SLC29A4: variants seen among roughly 807,000 people sequenced by gnomAD.
SLC29A4 encodes the protein equilibrative nucleoside transporter 4.
Under a neutral mutation model 43.9 loss-of-function variants are expected in SLC29A4, and 36 were observed. That is an observed-to-expected ratio of 0.82 (90% CI 0.63 to 1.08). The LOEUF (loss-of-function observed/expected upper bound fraction) is 1.08, where lower values mean the gene tolerates loss of function less well. SLC29A4 is among the 50% of genes least tolerant of loss of function. The probability of loss-of-function intolerance (pLI) is 0.00; values close to 1 mark genes in which losing one functional copy is unlikely to be tolerated. For synonymous variants in SLC29A4, 491 were observed against 338.0 expected (o/e 1.45, Z -4.97); for missense variants, 869 against 755.3 (o/e 1.15, Z -1.77).
chr7:5,301,321 G>T (rs977994074), intron 10 of SLC29A4, among the ~76,000 whole-genome samples: 3 of 152,026 alleles, frequency 2.0e-5, no homozygotes, highest in African/African-American at 7.2e-5. Flanking sequence ...AAGTCCTATG[G>T]GGAAAAATAA....
intron 5 of SLC29A4, 103 bp from the exon 6 acceptor site, chr7:5,294,757 T>C: frequency 8.6e-7 from 1 of 1,168,148 alleles, no homozygotes; most frequent in Non-Finnish European, 1.3e-6. Flanking sequence ...TGTTAACGGC[T>C]GTTTACGCAC....
intron 1 of SLC29A4, among the ~76,000 whole-genome samples, chr7:5,286,544 A>AAAAG (rs201953884): frequency 0.17 from 24,549 of 146,684 alleles, 3,262 homozygotes; most frequent in African/African-American, 0.38. Context: ...AGAAAAAAGA[A>AAAAG]AAAAATCATT....
At chr7:5,292,674 C>G (rs1785379535) in intron 5 of SLC29A4, among the ~76,000 whole-genome samples, 1 of 127,832 alleles carries the variant, frequency 7.8e-6, no homozygotes, top group African/African-American at 2.8e-5. Flanking sequence ...TTTCTACCAG[C>G]CAAGACATTT....
intron 1 of SLC29A4, among the ~76,000 whole-genome samples, chr7:5,285,764 C>T (rs1439016267): frequency 1.3e-5 from 2 of 152,190 alleles, no homozygotes; most frequent in African/African-American, 4.8e-5. Context: ...ATAATCCCAG[C>T]ACTTTGGGAG....
chr7:5,291,440 C>T (rs1048084079), intron 4 of SLC29A4, among the ~76,000 whole-genome samples: 2 of 152,250 alleles, frequency 1.3e-5, no homozygotes, highest in African/African-American at 4.8e-5. Context: ...TGCCCAAGCT[C>T]TTCCCCACGT....
Position 5,291,449 on chromosome 7 carries a change from G to A in SLC29A4, c.415+212G>A, listed in dbSNP as rs142467254. On this transcript the variant is annotated intron_variant, in intron 4 of 10. Coordinates refer to ENST00000396872, the MANE Select transcript of SLC29A4 (RefSeq NM_153247.4). ...GGGCCTTGCCCAAGCTCTTCCCCACGTCCAGTGTGTTCTTCCTTTCCCATT... is the reference window on the plus strand; with the variant it reads ...GGGCCTTGCCCAAGCTCTTCCCCACATCCAGTGTGTTCTTCCTTTCCCATT... Among the ~76,000 whole-genome samples, 1,036 of 152,326 alleles carry A rather than the reference G, an allele frequency of 6.8e-3. 11 individuals carry two copies. Among genetic ancestry groups the A allele is most frequent in the African/African-American group, 0.024 (994 of 41,576 alleles).
chr7:5,286,471 C>T (rs1784955137), intron 1 of SLC29A4, among the ~76,000 whole-genome samples: 1 of 148,046 alleles, frequency 6.8e-6, no homozygotes, highest in Non-Finnish European at 1.5e-5. Context: ...TGCAGCGAGC[C>T]AAGATTGCTC....
At chr7:5,302,672 T>G in intron 10 of SLC29A4, 125 bp from the exon 11 acceptor site, 2 of 922,724 alleles carry the variant, frequency 2.2e-6, no homozygotes, top group Non-Finnish European at 3.2e-6. Flanking sequence ...GGAGGAGCGA[T>G]GGGGCAGCGG....
At chr7:5,294,538 C>T (rs1785519387) in intron 5 of SLC29A4, among the ~76,000 whole-genome samples, 1 of 152,122 alleles carries the variant, frequency 6.6e-6, no homozygotes, top group Non-Finnish European at 1.5e-5. Context: ...CCTCTCCCCA[C>T]CCCGTAACAC....
At chr7:5,298,182 A>G (rs1785849414) in intron 7 of SLC29A4, among the ~76,000 whole-genome samples, 1 of 152,170 alleles carries the variant, frequency 6.6e-6, no homozygotes, top group Non-Finnish European at 1.5e-5. Flanking sequence ...GAAGTGAGCC[A>G]GAAACACCAT....
rs746826542 is a variant in SLC29A4, at chr7:5,300,668, G to T, written c.1450+6G>T. 8.7e-6 allele frequency: 14 copies of T among 1,605,720 alleles called. No homozygotes were observed. Among genetic ancestry groups the T allele is most frequent in the Non-Finnish European group, 1.1e-5 (13 of 1,178,490 alleles). On this transcript the variant is annotated splice_donor_region_variant and intron_variant, in intron 10 of 10. Coordinates refer to ENST00000396872, the MANE Select transcript of SLC29A4 (RefSeq NM_153247.4). ...CAAGCAGCGGGAGCTGGCAGGTGAG[G>T]CCCGCGGGACGTGGGGGTGGGGGCG...
chr7:5,286,642 C>T (rs978892299), intron 1 of SLC29A4, among the ~76,000 whole-genome samples: 1 of 152,176 alleles, frequency 6.6e-6, no homozygotes, highest in Non-Finnish European at 1.5e-5. Context: ...TAGCTCCTTC[C>T]TTTCCTCCCG....
intron 2 of SLC29A4, among the ~76,000 whole-genome samples, chr7:5,289,786 C>T (rs1051589200): frequency 4.6e-5 from 7 of 152,106 alleles, no homozygotes; most frequent in South Asian, 2.1e-4. Context: ...ATACCGCCAC[C>T]GAGCATGATA....
Position 5,305,204 on chromosome 7 carries a change from C to T in SLC29A4, c.*2265C>T, listed in dbSNP as rs936788986. The T allele has an allele frequency of 6.6e-6, 1 of 152,418 alleles. No homozygotes were observed. Among genetic ancestry groups the T allele is most frequent in the African/African-American group, 2.4e-5 (1 of 41,458 alleles). The allele number at this position is 152,418 out of a possible 1,614,324, so 9.4% of individuals were successfully genotyped here. A position where few individuals can be genotyped will look rare whatever the true frequency, so the allele number is the denominator to read the frequency against. ...GGAGGGCACGAGGGCCACCTATGCT[C>T]TGGCAGGCATCCTCCCTGGGGCCCA... On this transcript the variant is annotated 3_prime_UTR_variant, in exon 11 of 11. Transcript: ENST00000396872.
chr7:5,295,665 C>T (rs536841351), intron 6 of SLC29A4, among the ~76,000 whole-genome samples: 1 of 152,304 alleles, frequency 6.6e-6, no homozygotes, highest in African/African-American at 2.4e-5. Context: ...GAAGCGGAAG[C>T]CCAGGTCAAG....
At chr7:5,290,694 G>A (rs1228991085) in intron 2 of SLC29A4, 38 bp from the exon 3 acceptor site, 2 of 1,582,812 alleles carry the variant, frequency 1.3e-6, no homozygotes, top group African/African-American at 1.3e-5. Flanking sequence ...AGCCATGCGT[G>A]GAGCGTGCCC....
chr7:5,299,268 G>T lies in SLC29A4; in HGVS notation c.1050G>T (p.Ala350=), dbSNP rs74819003. The change falls in exon 9 of 11, where the codon GCG becomes GCT. Residue 350 remains alanine (A), a synonymous_variant. Transcript: ENST00000396872. ...RALLLHRYVV[A]RVIWADMLSI... The stretch of plus-strand genomic sequence containing the variant: ...TGTTACTGCACCGCTACGTGGTGGC[G>T]CGGGTGATCTGGGCCGACATGCTCT... The T allele has an allele frequency of 5.2e-4, 839 of 1,612,168 alleles. 10 individuals carry two copies. In the African/African-American group the frequency reaches 9.8e-3, roughly 19 times the overall value.
rs1785925047 is a variant in SLC29A4 at position 5,298,985 on chromosome 7, C to T, written c.883-3C>T. The T allele has an allele frequency of 6.2e-7, 1 of 1,607,924 alleles. No homozygotes were observed. Among genetic ancestry groups the T allele is most frequent in the South Asian group, 1.1e-5 (1 of 90,930 alleles). ...ACCCCATCCCACTCCATCCTCCCTC[C>T]AGGAGCACCCAGCCCCGGCCCTGGC... On this transcript the variant is annotated splice_polypyrimidine_tract_variant and splice_region_variant and intron_variant, in intron 7 of 10. Transcript: ENST00000396872.
At chr7:5,301,718 G>A (rs1473697010) in intron 10 of SLC29A4, among the ~76,000 whole-genome samples, 1 of 152,176 alleles carries the variant, frequency 6.6e-6, no homozygotes, top group Non-Finnish European at 1.5e-5. Flanking sequence ...TTGTTTGGAC[G>A]GCAGCCCACA....
Sources: gnomAD v4.1 joint callset for allele counts (sites outside exome capture counted in the v4.1 genomes callset) on GRCh38, gnomAD v4.1.1 for gene constraint, MANE v1.5 for transcripts, NCBI Gene and HGNC (gene_info 2026-07-23, HGNC 2026-07-21) for gene names.